BCAR3: variants seen among roughly 807,000 people sequenced by gnomAD.
BCAR3 encodes the protein BCAR3 adaptor protein, NSP family member.
A neutral mutation model predicts 80.1 loss-of-function variants in BCAR3; 37 were observed. The observed-to-expected ratio is 0.46, with a 90% CI of 0.36 to 0.61. The LOEUF (loss-of-function observed/expected upper bound fraction) is 0.61. Among genes scored for constraint, BCAR3 ranks in the 20% least tolerant of loss-of-function variants. The probability of loss-of-function intolerance (pLI) is 0.00; values close to 1 mark genes in which losing one functional copy is unlikely to be tolerated. For missense variants in BCAR3, 978 were observed against 1,068.2 expected (o/e 0.92, Z 1.18); for synonymous variants, 389 against 418.9 (o/e 0.93, Z 0.87).
At chr1:93,790,964 C>A (rs1653133331) in intron 2 of BCAR3, among the ~76,000 whole-genome samples, 1 of 73,642 alleles carries the variant, frequency 1.4e-5, no homozygotes, top group Non-Finnish European at 2.3e-5. Context: ...TCATCCATGT[C>A]CCTACAAAGG....
At chr1:93,610,596 A>G (rs1232866593) in intron 3 of BCAR3, among the ~76,000 whole-genome samples, 1 of 152,228 alleles carries the variant, frequency 6.6e-6, no homozygotes, top group East Asian at 1.9e-4. Context: ...TAAAGTATTA[A>G]CATACACAAT....
At chr1:93,682,715 C>T (rs563928083), upstream of BCAR3, among the ~76,000 whole-genome samples, 1 of 152,232 alleles carries the variant, frequency 6.6e-6, no homozygotes, top group East Asian at 1.9e-4. Flanking sequence ...CCACTATGCC[C>T]GGCTAATTTT....
chr1:93,686,360 T>C (rs4847249), upstream of BCAR3, among the ~76,000 whole-genome samples: 151,076 of 152,330 alleles, frequency 0.99, 74,932 homozygotes, highest in East Asian at 1. Context: ...GCTATGATTG[T>C]GCCTGTGCAT....
chr1:93,741,111 A>C (rs1651159614), intron 2 of BCAR3, among the ~76,000 whole-genome samples: 1 of 152,164 alleles, frequency 6.6e-6, no homozygotes, highest in Non-Finnish European at 1.5e-5. Flanking sequence ...TGCTCAATGG[A>C]GCCAGAAATG....
intron 2 of BCAR3, among the ~76,000 whole-genome samples, chr1:93,735,334 TG>T (rs1463999581): frequency 6.6e-6 from 1 of 152,238 alleles, no homozygotes; most frequent in Non-Finnish European, 1.5e-5. Context: ...TCTCTGGATC[TG>T]ACTGTCCAGA....
intron 2 of BCAR3, among the ~76,000 whole-genome samples, chr1:93,793,291 T>C (rs1387808567): frequency 1.7e-5 from 1 of 58,872 alleles, no homozygotes; most frequent in East Asian, 1.1e-3. Flanking sequence ...TCCTGGACTC[T>C]TTTTGGTTGG....
At chr1:93,813,743 A>G (rs1653926262) in intron 2 of BCAR3, among the ~76,000 whole-genome samples, 1 of 152,262 alleles carries the variant, frequency 6.6e-6, no homozygotes, top group Non-Finnish European at 1.5e-5. Context: ...ACATTGATAC[A>G]ATACTACTAT....
chr1:93,639,285 CT>C (rs1363542278), intron 3 of BCAR3, among the ~76,000 whole-genome samples: 4 of 152,166 alleles, frequency 2.6e-5, no homozygotes, highest in Non-Finnish European at 5.9e-5. Flanking sequence ...TGGATTCTTC[CT>C]CCACCCAGCT....
At chr1:93,638,825 A>G (rs1387586177) in intron 3 of BCAR3, among the ~76,000 whole-genome samples, 2 of 152,218 alleles carry the variant, frequency 1.3e-5, no homozygotes, top group East Asian at 1.9e-4. Context: ...AAACCAAACT[A>G]TCAAGATGAT....
chr1:93,754,706 A>G (rs954558080), intron 2 of BCAR3, among the ~76,000 whole-genome samples: 1 of 152,246 alleles, frequency 6.6e-6, no homozygotes, highest in Admixed American at 6.5e-5. Context: ...GTAAACAAAC[A>G]TATTGCACTG....
At chr1:93,638,767 C>A (rs993153349) in intron 3 of BCAR3, among the ~76,000 whole-genome samples, 10 of 152,006 alleles carry the variant, frequency 6.6e-5, no homozygotes, top group Non-Finnish European at 1.2e-4. Context: ...GAAACAGAAT[C>A]AATTACGTTT....
At chr1:93,571,042 A>G (rs1422441364) in intron 9 of BCAR3, among the ~76,000 whole-genome samples, 1 of 152,070 alleles carries the variant, frequency 6.6e-6, no homozygotes, top group East Asian at 1.9e-4. Flanking sequence ...CGTCTCTACT[A>G]AAAATACAAA....
At chr1:93,579,023 C>G (rs929993051) in intron 7 of BCAR3, among the ~76,000 whole-genome samples, 5 of 152,208 alleles carry the variant, frequency 3.3e-5, no homozygotes, top group Non-Finnish European at 7.3e-5. Context: ...GTCCTCACTT[C>G]TAGCTATAGG....
intron 3 of BCAR3, among the ~76,000 whole-genome samples, chr1:93,611,766 G>A (rs552909284): frequency 3.9e-5 from 6 of 152,248 alleles, no homozygotes; most frequent in African/African-American, 1.2e-4. Flanking sequence ...CCTATGTAAG[G>A]AGGGACCCTC....
chr1:93,618,972 C>T (rs1176811138), intron 3 of BCAR3, among the ~76,000 whole-genome samples: 2 of 148,864 alleles, frequency 1.3e-5, no homozygotes, highest in African/African-American at 5.0e-5. Context: ...CGGAATCTCG[C>T]TCTGTCGCCA....
At chr1:93,571,962 C>T (rs1296876648) in intron 8 of BCAR3, 121 bp from the exon 9 acceptor site, 31 of 1,202,358 alleles carry the variant, frequency 2.6e-5, no homozygotes, top group East Asian at 9.5e-5. Flanking sequence ...TAAAATGTGC[C>T]GGCAGCACAG....
rs139000427 is a variant in BCAR3, at chr1:93,737,351, G to A, written c.-62-31209C>T. 3.3e-3 allele frequency among the ~76,000 whole-genome samples: 500 copies of A among 152,226 alleles called. 1 individual carries two copies. Among genetic ancestry groups the A allele is most frequent in the African/African-American group, 0.012 (484 of 41,542 alleles). On this transcript the variant is annotated intron_variant, in intron 2 of 13. Transcript: ENST00000370244. ...GTTACGATGAGGACATAGTGGATTC[G>A]GGAGGGCCCTAAATCTAGTAATTGA...
intron 2 of BCAR3, among the ~76,000 whole-genome samples, chr1:93,669,620 C>T (rs1227268748): frequency 1.3e-5 from 2 of 152,236 alleles, no homozygotes; most frequent in African/African-American, 2.4e-5. Flanking sequence ...TGTGCCTCCA[C>T]GTACCCACAG....
chr1:93,620,395 G>C (rs1055454743), intron 3 of BCAR3, among the ~76,000 whole-genome samples: 1 of 152,162 alleles, frequency 6.6e-6, no homozygotes, highest in Non-Finnish European at 1.5e-5. Context: ...TTGTTTAACA[G>C]GCAGCAGGTG....
Sources: gnomAD v4.1 joint callset for allele counts (sites outside exome capture counted in the v4.1 genomes callset) on GRCh38, gnomAD v4.1.1 for gene constraint, MANE v1.5 for transcripts, NCBI Gene and HGNC (gene_info 2026-07-23, HGNC 2026-07-21) for gene names.